The following OCLN variants were observed in gnomAD, a reference collection of about 807,000 sequenced individuals.
The protein encoded by OCLN is occludin.
OCLN carries 21 observed loss-of-function variants against 47.9 expected under a neutral mutation model. The observed-to-expected ratio is 0.44, with a 90% CI of 0.31 to 0.63. The LOEUF (loss-of-function observed/expected upper bound fraction) is 0.63, where lower values mean the gene tolerates loss of function less well. Ranked by LOEUF, OCLN falls within the 30% of genes least tolerant of loss-of-function variation. The pLI is 0.08. For synonymous variants in OCLN, 117 were observed against 198.4 expected, an observed-to-expected ratio of 0.59 and a Z score of 3.45; for missense variants, 360 against 571.0, an observed-to-expected ratio of 0.63 and a Z score of 3.77.
chr5:69,534,604 A>G, intron 4 of OCLN, 90 bp from the exon 5 acceptor site: 1 of 404,318 alleles, frequency 2.5e-6, no homozygotes, highest in East Asian at 3.7e-5. Context: ...CCACATAAAT[A>G]TTAGATAATG....
At chr5:69,515,291 C>A (rs565517176) in intron 4 of OCLN, among the ~76,000 whole-genome samples, 12 of 133,252 alleles carry the variant, frequency 9.0e-5, no homozygotes, top group Non-Finnish European at 1.8e-4. Flanking sequence ...CTGACCCCCC[C>A]ACCTCCTTCC....
intron 2 of OCLN, among the ~76,000 whole-genome samples, chr5:69,507,430 G>A (rs1244664847): frequency 6.6e-6 from 1 of 151,976 alleles, no homozygotes; most frequent in Non-Finnish European, 1.5e-5. Context: ...CATCTGGCCA[G>A]TTTTACCTGT....
chr5:69,515,175 C>T (rs1181051787), intron 4 of OCLN, among the ~76,000 whole-genome samples: 16 of 149,048 alleles, frequency 1.1e-4, no homozygotes, highest in African/African-American at 2.5e-4. Flanking sequence ...ACCTCCCTCC[C>T]GGACGGGGCG....
intron 4 of OCLN, chr5:69,530,793 C>T (rs1769408833): frequency 1.3e-5 from 2 of 152,312 alleles, no homozygotes; most frequent in African/African-American, 4.8e-5. Context: ...AGTCAGTGGT[C>T]AAGCTAGTCC....
At chr5:69,535,921 T>C (rs927265984) in intron 5 of OCLN, among the ~76,000 whole-genome samples, 1 of 152,118 alleles carries the variant, frequency 6.6e-6, no homozygotes, top group Admixed American at 6.5e-5. Context: ...GGTCAGGAGT[T>C]CAAGACCGGC....
intron 1 of OCLN, among the ~76,000 whole-genome samples, chr5:69,498,489 T>G (rs981555895): frequency 4.0e-5 from 6 of 151,312 alleles, no homozygotes; most frequent in African/African-American, 1.5e-4. Flanking sequence ...GCAAGACTCC[T>G]GTCTCAAAAA....
chr5:69,508,598 C>T (rs1768675912), intron 2 of OCLN, among the ~76,000 whole-genome samples: 1 of 152,184 alleles, frequency 6.6e-6, no homozygotes, highest in South Asian at 2.1e-4. Flanking sequence ...GCCTTGGCCT[C>T]CCAAAGTGCT....
chr5:69,504,384 A>T (rs1280044655), intron 2 of OCLN, 90 bp downstream of exon 2: 4 of 828,414 alleles, frequency 4.8e-6, no homozygotes, highest in African/African-American at 1.7e-5. Context: ...GTTTGCTTTT[A>T]AAAATAAAAC....
At chr5:69,501,940 G>A (rs1455018237) in intron 1 of OCLN, among the ~76,000 whole-genome samples, 1 of 152,220 alleles carries the variant, frequency 6.6e-6, no homozygotes, top group African/African-American at 2.4e-5. Context: ...GCTCATGCCT[G>A]TAATCCCAGC....
intron 2 of OCLN, among the ~76,000 whole-genome samples, chr5:69,506,139 G>A (rs1342441072): frequency 6.6e-6 from 1 of 152,120 alleles, no homozygotes; most frequent in Non-Finnish European, 1.5e-5. Context: ...ACCATTACTG[G>A]TTTATTATAA....
intron 1 of OCLN, among the ~76,000 whole-genome samples, chr5:69,498,228 T>A (rs1768356763): frequency 6.6e-6 from 1 of 151,952 alleles, no homozygotes. Flanking sequence ...GCATGGTGGC[T>A]CATGCCTGTA....
intron 3 of OCLN, among the ~76,000 whole-genome samples, chr5:69,510,649 A>C (rs1308755887): frequency 2.0e-5 from 3 of 152,140 alleles, no homozygotes; most frequent in Non-Finnish European, 4.4e-5. Context: ...GCGCCACTGC[A>C]CTCCAGCCTG....
chr5:69,516,011 G>A (rs1768955263), intron 4 of OCLN, among the ~76,000 whole-genome samples: 1 of 150,748 alleles, frequency 6.6e-6, no homozygotes, highest in Non-Finnish European at 1.5e-5. Context: ...TCACTTTCCA[G>A]ACTGGGTAGC....
In OCLN at chr5:69,522,894, C is replaced by CTTTTTTTTTTTTTT. The variant is rs60505522; in HGVS notation, c.891+8797_891+8798insTTTTTTTTTTTTTT. The stretch of plus-strand genomic sequence containing the variant: ...GACATGTGCCGCTATGCCTGGCTGA[C>CTTTTTTTTTTTTTT]TTTTTTTTTTTTAAAGTAGAGACAG... On this transcript the variant is annotated intron_variant, in intron 4 of 8. Coordinates refer to ENST00000396442, the MANE Select transcript of OCLN (RefSeq NM_001205254.2). 8.7e-3 allele frequency among the ~76,000 whole-genome samples: 1,012 copies of CTTTTTTTTTTTTTT among 116,780 alleles called. 39 individuals are homozygous for CTTTTTTTTTTTTTT. Among genetic ancestry groups the CTTTTTTTTTTTTTT allele is most frequent in the East Asian group, 0.025 (103 of 4,146 alleles). 76.6% of individuals were successfully genotyped at this position (116,780 alleles called of 152,430 possible).
Position 69,493,510 on chromosome 5 carries a change from T to C in OCLN, c.-69+610T>C, listed in dbSNP as rs1433454620. ...CTACTTCGAATCCACTTGTTGCGAG[T>C]TGTGTGAACCCGCGTCGATTTAAGC... On this transcript the variant is annotated intron_variant, in intron 1 of 8. Transcript: ENST00000396442. The surrounding 1 kb of genome is among the most constrained non-coding windows in gnomAD (Gnocchi z 5.3). Among the ~76,000 whole-genome samples the C allele has an allele frequency of 1.3e-5, 2 of 151,910 alleles. No homozygotes were observed. The highest frequency in any genetic ancestry group is 3.9e-4 in the East Asian group (2 of 5,136).
In OCLN at chr5:69,514,096, A is replaced by G. The variant is rs764466097; in HGVS notation, c.878A>G (p.Asn293Ser). Residue 293 changes from asparagine (N) to serine (S), a missense_variant, in exon 4 of 9, where the codon AAT becomes AGT. Asn to Ser is a conservative substitution (Grantham distance 46). Around this residue, in one of 3 missense-constraint regions of OCLN, gnomAD observed 314 missense variants for 368.1 expected, o/e 0.85. Transcript: ENST00000396442. ...KEHIYDEQPP[N>S]VEEWVKNVSA... ...CACATTTATGATGAGCAGCCCCCCA[A>G]TGTCGAGGAGTGGGTAAGTGTTAAA... The G allele has an allele frequency of 1.9e-5, 30 of 1,614,000 alleles. No individual in the cohort carries two copies. The highest frequency in any genetic ancestry group is 6.6e-5 in the South Asian group (6 of 91,090).
intron 5 of OCLN, among the ~76,000 whole-genome samples, chr5:69,537,189 CT>C (rs1157355945): frequency 8.1e-4 from 65 of 80,612 alleles, no homozygotes; most frequent in East Asian, 1.6e-3. Context: ...ATTCTATAAG[CT>C]TTTTTTTTTT....
intron 2 of OCLN, among the ~76,000 whole-genome samples, chr5:69,504,953 G>GA (rs1401697009): frequency 6.9e-6 from 1 of 145,596 alleles, no homozygotes; most frequent in Non-Finnish European, 1.5e-5. Flanking sequence ...GACTCCGTCT[G>GA]AAAAAAAGAA....
At chr5:69,522,610 C>T (rs1769169473) in intron 4 of OCLN, among the ~76,000 whole-genome samples, 1 of 152,048 alleles carries the variant, frequency 6.6e-6, no homozygotes, top group Non-Finnish European at 1.5e-5. Flanking sequence ...CACTGGACCA[C>T]CCCCCTTGTT....
Sources: gnomAD v4.1 joint callset for allele counts (sites outside exome capture counted in the v4.1 genomes callset) on GRCh38, gnomAD v4.1.1 for gene constraint, gnomAD v4.1.1 regional missense constraint, Gnocchi (gnomAD v3.1) non-coding constraint, MANE v1.5 for transcripts, NCBI Gene and HGNC (gene_info 2026-07-23, HGNC 2026-07-21) for gene names.